RANBP2: variants seen among roughly 807,000 people sequenced by gnomAD.
RANBP2 encodes the protein RAN binding protein 2.
Under a neutral mutation model 303.6 loss-of-function variants are expected in RANBP2, and 57 were observed. The observed-to-expected ratio is 0.19, with a 90% CI of 0.15 to 0.23. The LOEUF (loss-of-function observed/expected upper bound fraction) is 0.23. Among genes scored for constraint, RANBP2 ranks in the 10% least tolerant of loss-of-function variants. The pLI is 1.00. For synonymous variants in RANBP2, 1,167 were observed against 1,301.5 expected (o/e 0.90, Z 2.23); for missense variants, 3,138 against 3,780.8 (o/e 0.83, Z 4.46).
the RANBP2 span, among the ~76,000 whole-genome samples, chr2:109,231,260 T>C: frequency 6.6e-6 from 1 of 152,250 alleles, no homozygotes; most frequent in African/African-American, 2.4e-5. Context: ...TGCTCTTTCT[T>C]CTACAGCTGA....
the RANBP2 span, among the ~76,000 whole-genome samples, chr2:109,171,000 C>T: frequency 6.6e-6 from 1 of 152,152 alleles, no homozygotes; most frequent in Non-Finnish European, 1.5e-5. Flanking sequence ...GGAACCAAGC[C>T]CGGGAGGCAC....
At chr2:109,492,680 C>T in the RANBP2 span, among the ~76,000 whole-genome samples, 11 of 152,284 alleles carry the variant, frequency 7.2e-5, no homozygotes, top group African/African-American at 1.9e-4. Flanking sequence ...CAAGATCACA[C>T]AGCTAGTTAG....
At chr2:109,343,670 C>T in the RANBP2 span, among the ~76,000 whole-genome samples, 1 of 152,092 alleles carries the variant, frequency 6.6e-6, no homozygotes, top group South Asian at 2.1e-4. Flanking sequence ...AGGTGGGTTA[C>T]CACCTGTGGA....
At chr2:108,729,256 T>G (rs1331981879) in intron 2 of RANBP2, 57 bp downstream of exon 2, 3 of 1,510,824 alleles carry the variant, frequency 2.0e-6, no homozygotes, top group Admixed American at 2.0e-5. Flanking sequence ...TTTCTCATTT[T>G]CTTCTTTGAA....
At chr2:108,854,010 A>T in the RANBP2 span, among the ~76,000 whole-genome samples, 9 of 99,442 alleles carry the variant, frequency 9.1e-5, no homozygotes, top group Non-Finnish European at 1.6e-4. Context: ...TATTATATAT[A>T]ATATATAATA....
chr2:109,046,921 G>A, the RANBP2 span, among the ~76,000 whole-genome samples: 2 of 152,088 alleles, frequency 1.3e-5, no homozygotes, highest in South Asian at 4.2e-4. Context: ...TGGGGAGAAG[G>A]AAGCCTGCCC....
At chr2:109,300,481 C>CA in the RANBP2 span, among the ~76,000 whole-genome samples, 1 of 152,198 alleles carries the variant, frequency 6.6e-6, no homozygotes, top group Non-Finnish European at 1.5e-5. Flanking sequence ...CGCCCATCCG[C>CA]ACCCTGAGTT....
At chr2:109,196,887 A>G in the RANBP2 span, among the ~76,000 whole-genome samples, 3 of 151,970 alleles carry the variant, frequency 2.0e-5, no homozygotes, top group African/African-American at 7.3e-5. Flanking sequence ...TCCTTTGAGG[A>G]CCCCGGCACA....
At chr2:109,400,541 A>G in the RANBP2 span, among the ~76,000 whole-genome samples, 1 of 151,424 alleles carries the variant, frequency 6.6e-6, no homozygotes, top group South Asian at 2.1e-4. Flanking sequence ...ATACACATGC[A>G]CACACACGTA....
At chr2:109,608,973 G>A in the RANBP2 span, among the ~76,000 whole-genome samples, 3 of 152,204 alleles carry the variant, frequency 2.0e-5, no homozygotes, top group African/African-American at 4.8e-5. Context: ...TTCTTGAAGA[G>A]AGGGACTCTA....
the RANBP2 span, among the ~76,000 whole-genome samples, chr2:109,619,716 GATTT>G: frequency 1.3e-5 from 2 of 152,122 alleles, no homozygotes; most frequent in African/African-American, 4.8e-5. Context: ...GTCTTAAAAG[GATTT>G]ATTAACCAGT....
At chr2:109,116,189 T>C in the RANBP2 span, among the ~76,000 whole-genome samples, 2 of 152,226 alleles carry the variant, frequency 1.3e-5, no homozygotes, top group African/African-American at 4.8e-5. Context: ...CCTTGCTAGA[T>C]TGGGGAAGTT....
chr2:109,287,661 TC>T, the RANBP2 span, among the ~76,000 whole-genome samples: 1 of 152,224 alleles, frequency 6.6e-6, no homozygotes, highest in Non-Finnish European at 1.5e-5. Context: ...ATCAGGGTGT[TC>T]CCCTTCTGGG....
At chr2:109,589,608 C>A in the RANBP2 span, among the ~76,000 whole-genome samples, 1 of 151,976 alleles carries the variant, frequency 6.6e-6, no homozygotes, top group African/African-American at 2.4e-5. Flanking sequence ...AAAGGCTGAA[C>A]ATGTCAAGTG....
Position 108,771,697 on chromosome 2 carries a change from A to C in RANBP2, c.7850-4A>C. On this transcript the variant is annotated splice_region_variant and splice_polypyrimidine_tract_variant and intron_variant, in intron 20 of 28. Coordinates refer to ENST00000283195, the MANE Select transcript of RANBP2 (RefSeq NM_006267.5). ...TTTGTCAATTTTTTTGACTGGTGTT[A>C]CAGCAAAAGAGAAGAAAAAACCTGA... 6.2e-7 allele frequency: 1 copy of C among 1,611,852 alleles called. No homozygotes were observed. The highest frequency in any genetic ancestry group is 8.5e-7 in the Non-Finnish European group (1 of 1,179,818).
At chr2:109,414,614 A>G in the RANBP2 span, among the ~76,000 whole-genome samples, 4 of 152,164 alleles carry the variant, frequency 2.6e-5, no homozygotes, top group Non-Finnish European at 5.9e-5. Context: ...TAGATCAGCT[A>G]TACATACATG....
the RANBP2 span, among the ~76,000 whole-genome samples, chr2:109,521,794 G>T: frequency 6.6e-6 from 1 of 152,192 alleles, no homozygotes; most frequent in Non-Finnish European, 1.5e-5. Context: ...CTTGGGGGTT[G>T]TGCTTTTGAC....
the RANBP2 span, among the ~76,000 whole-genome samples, chr2:108,828,872 A>G: frequency 2.0e-4 from 31 of 152,082 alleles, no homozygotes; most frequent in East Asian, 3.7e-3. Flanking sequence ...CAGGTACTCG[A>G]GATGCTGAGG....
chr2:109,078,098 A>ATATATATATATATATATATGGCG, the RANBP2 span, among the ~76,000 whole-genome samples: 120 of 60,042 alleles, frequency 2.0e-3, 6 homozygotes, highest in African/African-American at 7.9e-3. Context: ...ATATATATAT[A>ATATATATATATATATATATGGCG]TATATATATA....
Sources: gnomAD v4.1 joint callset for allele counts (sites outside exome capture counted in the v4.1 genomes callset) on GRCh38, gnomAD v4.1.1 for gene constraint, MANE v1.5 for transcripts, NCBI Gene and HGNC (gene_info 2026-07-23, HGNC 2026-07-21) for gene names.